Variants in SCN2A observed in about 807,000 individuals in gnomAD.
The protein encoded by SCN2A is sodium channel protein type 2 subunit alpha.
In SCN2A, 20 loss-of-function variants were observed where a neutral mutation model predicts 188.7. The observed-to-expected ratio is 0.11, with a 90% CI of 0.07 to 0.15. The LOEUF (loss-of-function observed/expected upper bound fraction) is 0.15, where lower values mean the gene tolerates loss of function less well. Ranked by LOEUF, SCN2A falls within the 10% of genes least tolerant of loss-of-function variation. The pLI, the probability that SCN2A is intolerant of heterozygous loss-of-function variation, is 1.00. For missense variants in SCN2A, 1,278 were observed against 2,445.0 expected (o/e 0.52, Z 10.07); for synonymous variants, 804 against 833.1 (o/e 0.97, Z 0.60).
At position 165,323,477 on chromosome 2, in the gene SCN2A, TCTG is replaced by T; in HGVS notation, c.1997_1999del (p.Ala666del). The T allele has an allele frequency of 6.2e-7, 1 of 1,613,506 alleles. No homozygotes were observed. The highest frequency in any genetic ancestry group is 8.5e-7 in the Non-Finnish European group (1 of 1,179,762). On this transcript the variant is annotated inframe_deletion, in exon 12 of 27. Coordinates refer to ENST00000375437, the MANE Select transcript of SCN2A (RefSeq NM_001040142.2). Reference sequence around the variant, plus strand: ...GGTCGGGGGCCCTTCTACCCTCACATCTGCTGGGCAGCTCCTACCAGAGGTGAG... The same window carrying T: ...GGTCGGGGGCCCTTCTACCCTCACATCTGGGCAGCTCCTACCAGAGGTGAG...
intron 13 of SCN2A, chr2:165,328,569 CT>C: frequency 2.2e-6 from 2 of 897,780 alleles, no homozygotes; most frequent in Non-Finnish European, 2.7e-6. Context: ...ATGCTTTGCA[CT>C]TCTGATAGCA....
At chr2:165,350,794 G>A (rs1031061036) in intron 16 of SCN2A, among the ~76,000 whole-genome samples, 2 of 152,064 alleles carry the variant, frequency 1.3e-5, no homozygotes, top group Admixed American at 6.6e-5. Flanking sequence ...AATTGTCATG[G>A]ATCACACCAA....
chr2:165,251,431 T>C (rs1694089068), intron 1 of SCN2A, among the ~76,000 whole-genome samples: 2 of 152,282 alleles, frequency 1.3e-5, no homozygotes, highest in East Asian at 3.9e-4. Flanking sequence ...TATAGCGTGA[T>C]GATATTTTAT....
chr2:165,244,713 CA>C (rs1450914493), intron 1 of SCN2A, among the ~76,000 whole-genome samples: 3 of 152,032 alleles, frequency 2.0e-5, no homozygotes, highest in Non-Finnish European at 2.9e-5. Context: ...AAATTGCCCA[CA>C]AAAAGTGTTT....
chr2:165,296,241 A>T, intron 2 of SCN2A, 151 bp downstream of exon 2: 1 of 739,756 alleles, frequency 1.4e-6, no homozygotes. Flanking sequence ...TGGACCAATG[A>T]TCCTAGAAGT....
Position 165,388,497 on chromosome 2 carries a change from T to A in SCN2A, c.4823-132T>A, listed in dbSNP as rs911779286. ...CAGTTTCATTTTGCTCAACAAACATTGCAGATTATTTGCATATATACATGT... is the reference window on the plus strand; with the variant it reads ...CAGTTTCATTTTGCTCAACAAACATAGCAGATTATTTGCATATATACATGT... On this transcript the variant is annotated intron_variant, in intron 26 of 26. Transcript: ENST00000375437. The A allele has an allele frequency of 6.5e-6, 8 of 1,235,858 alleles. No homozygotes were observed. The African/African-American group carries it at 1.2e-4, about 19-fold the overall frequency. 76.6% of individuals were successfully genotyped at this position (1,235,858 alleles called of 1,614,324 possible).
intron 13 of SCN2A, 51 bp from the exon 14 acceptor site, chr2:165,331,279 T>G (rs1322121789): frequency 1.5e-6 from 2 of 1,351,232 alleles, no homozygotes; most frequent in African/African-American, 1.4e-5. Context: ...CCAAATCTGC[T>G]TAATAGAAAG....
intron 25 of SCN2A, 59 bp downstream of exon 25, chr2:165,381,256 C>T: frequency 4.8e-6 from 6 of 1,242,042 alleles, no homozygotes; most frequent in Non-Finnish European, 6.9e-6. Flanking sequence ...GTTTCACAGC[C>T]CGAATTTCTA....
rs1698389721 is a variant in SCN2A at position 165,326,969 on chromosome 2, A to T, written c.2134A>T (p.Thr712Ser). 2 of 1,614,006 alleles carry T rather than the reference A, an allele frequency of 1.2e-6. No individual in the cohort carries two copies. The highest frequency in any genetic ancestry group is 1.7e-6 in the Non-Finnish European group (2 of 1,179,890). The change falls in exon 13 of 27, where the codon ACC (threonine) becomes TCC (serine). Residue 712 changes from threonine (T) to serine (S), a missense_variant. Transcript: ENST00000375437. Reference protein sequence around the residue: ...QRAMSIASILTNTMEELEESR... With the variant: ...QRAMSIASILSNTMEELEESR... ...AGCAATGAGTATAGCCAGTATTTTG[A>T]CCAACACCATGGAAGGTATGTTAAA...
At position 165,313,656 on chromosome 2, in the gene SCN2A, T is replaced by G. The variant is rs779499394; in HGVS notation, c.1071T>G (p.Gly357=). 2.0e-5 allele frequency: 32 copies of G among 1,613,660 alleles called. No homozygotes were observed. The highest frequency in any genetic ancestry group is 2.4e-5 in the Non-Finnish European group (28 of 1,179,634). The change falls in exon 9 of 27, where the codon GGT becomes GGG. Residue 357 remains glycine, a synonymous_variant. Transcript: ENST00000375437. ...CPEGYICVKA[G]RNPNYGYTSF... ...AAGGATACATCTGTGTGAAGGCTGGTAGAAACCCCAACTATGGCTACACGA... is the reference window on the plus strand; with the variant it reads ...AAGGATACATCTGTGTGAAGGCTGGGAGAAACCCCAACTATGGCTACACGA...
At chr2:165,352,480 A>G (rs997675762) in intron 16 of SCN2A, among the ~76,000 whole-genome samples, 1 of 152,188 alleles carries the variant, frequency 6.6e-6, no homozygotes, top group African/African-American at 2.4e-5. Context: ...GCAAGAATGT[A>G]GAATCCTTTT....
chr2:165,298,203 T>A (rs1696611280), intron 3 of SCN2A, among the ~76,000 whole-genome samples: 1 of 152,212 alleles, frequency 6.6e-6, no homozygotes, highest in African/African-American at 2.4e-5. Context: ...TTCCATGATG[T>A]GGTTAGCCCA....
At chr2:165,280,048 G>T (rs7561826) in intron 1 of SCN2A, among the ~76,000 whole-genome samples, 40,571 of 152,040 alleles carry the variant, frequency 0.27, 5,531 homozygotes, top group Non-Finnish European at 0.28. Flanking sequence ...CCAACAGGTG[G>T]AACTGTAAGT....
At position 165,365,199 on chromosome 2, in the gene SCN2A, C is replaced by T. The variant is rs144325450; in HGVS notation, c.3456C>T (p.Ala1152=). 2.2e-5 allele frequency: 36 copies of T among 1,613,580 alleles called. No individual in the cohort carries two copies. Among genetic ancestry groups the T allele is most frequent in the East Asian group, 1.6e-4 (7 of 44,864 alleles). Residue 1152 remains alanine (A), a synonymous_variant, in exon 18 of 27, where the codon GCC becomes GCT. Coordinates refer to ENST00000375437, the MANE Select transcript of SCN2A (RefSeq NM_001040142.2). ...GCACGGTTGATATTGGAGCTCCCGC[C>T]GAGGGAGAACAGCCTGAGGTTGAAC... ...EGSTVDIGAP[A]EGEQPEVEPE...
At chr2:165,259,178 A>G (rs1205088614) in intron 1 of SCN2A, among the ~76,000 whole-genome samples, 4 of 152,230 alleles carry the variant, frequency 2.6e-5, no homozygotes, top group Non-Finnish European at 5.9e-5. Flanking sequence ...CCTTAATTTA[A>G]AAATATTTTC....
intron 21 of SCN2A, 59 bp from the exon 22 acceptor site, chr2:165,374,626 A>G: frequency 6.4e-7 from 1 of 1,564,718 alleles, no homozygotes; most frequent in Non-Finnish European, 8.8e-7. Context: ...TAATGTTTAA[A>G]AATAAGTAAA....
At chr2:165,249,957 A>G (rs577609704) in intron 1 of SCN2A, among the ~76,000 whole-genome samples, 2 of 152,136 alleles carry the variant, frequency 1.3e-5, no homozygotes, top group Non-Finnish European at 2.9e-5. Flanking sequence ...TCAGAAATGT[A>G]TATAAACTTT....
chr2:165,300,593 T>A (rs1247326663), intron 3 of SCN2A, among the ~76,000 whole-genome samples: 2 of 152,062 alleles, frequency 1.3e-5, no homozygotes. Context: ...TAAAGTCAGT[T>A]CAAGGAGAAC....
chr2:165,313,485 TACTGGG>T, intron 8 of SCN2A, 129 bp from the exon 9 acceptor site: 1 of 873,536 alleles, frequency 1.1e-6, no homozygotes, highest in South Asian at 1.4e-5. Context: ...CTGAGTTAAG[TACTGGG>T]TAAGGTGAGA....
Sources: allele counts gnomAD v4.1 joint callset (sites outside exome capture counted in the v4.1 genomes callset), GRCh38; gene constraint gnomAD v4.1.1; transcripts MANE v1.5; gene names NCBI Gene and HGNC (gene_info 2026-07-23, HGNC 2026-07-21).